The following PRL variants were observed in gnomAD, a reference collection of about 807,000 sequenced individuals.
The protein encoded by PRL is prolactin, also known as decidual prolactin.
PRL carries 24 observed loss-of-function variants against 21.3 expected under a neutral mutation model. That is an observed-to-expected ratio of 1.13 (90% CI 0.82 to 1.59). The LOEUF (loss-of-function observed/expected upper bound fraction) is 1.59, where lower values mean the gene tolerates loss of function less well. PRL is among the 40% of genes most tolerant of loss of function. The pLI, the probability that PRL is intolerant of heterozygous loss-of-function variation, is 0.00. For missense variants in PRL, 243 were observed against 286.9 expected, an observed-to-expected ratio of 0.85 and a Z score of 1.10; for synonymous variants, 118 against 115.7, an observed-to-expected ratio of 1.02 and a Z score of -0.13.
rs894543663 is a variant in PRL at position 22,288,584 on chromosome 6, G to T, written c.493-991C>A. 2.6e-5 allele frequency among the ~76,000 whole-genome samples: 4 copies of T among 151,780 alleles called. No individual in the cohort carries two copies. Among genetic ancestry groups the T allele is most frequent in the Admixed American group, 6.6e-5 (1 of 15,248 alleles). On this transcript the variant is annotated intron_variant, in intron 4 of 4. Transcript: ENST00000306482. The surrounding 1 kb of genome is among the most constrained non-coding windows in gnomAD (Gnocchi z 4.5). ...TGGCAGCAACCCTTCAGTGGTGAGG[G>T]CTGTGTGGTAGGGTTGGGGGCATGG...
At position 22,290,177 on chromosome 6, in the gene PRL, G is replaced by A; in HGVS notation, c.489C>T (p.Ser163=). 1 of 1,569,516 alleles carries A rather than the reference G, an allele frequency of 6.4e-7. No homozygotes were observed. The highest frequency in any genetic ancestry group is 1.2e-5 in the South Asian group (1 of 86,348). The part of the protein sequence containing the change: ...RLLEGMELIV[S]QVHPETKENE... ...GAAGCACCAGGAGGCTGCTCACCTG[G>A]CTGACTATCAGCTCCATGCCCTCTA... Residue 163 remains serine (S), a synonymous_variant, in exon 4 of 5, where the codon AGC becomes AGT. Coordinates refer to ENST00000306482, the MANE Select transcript of PRL (RefSeq NM_000948.6).
At chr6:22,295,075 A>G (rs987391830) in intron 1 of PRL, among the ~76,000 whole-genome samples, 2 of 152,228 alleles carry the variant, frequency 1.3e-5, no homozygotes, top group Admixed American at 1.3e-4. Context: ...AAGAATAAAC[A>G]CACGATTGTT....
At chr6:22,300,579 C>T (rs754467092), upstream of PRL, among the ~76,000 whole-genome samples, 4 of 152,176 alleles carry the variant, frequency 2.6e-5, no homozygotes, top group Admixed American at 2.6e-4. Context: ...TCTCTTTGCT[C>T]GTTTAAACTC....
chr6:22,299,107 T>C (rs1039343080), upstream of PRL, among the ~76,000 whole-genome samples: 2 of 152,264 alleles, frequency 1.3e-5, no homozygotes, highest in Non-Finnish European at 2.9e-5. Flanking sequence ...CTGCTATGCA[T>C]GTTACCCCCT....
At chr6:22,294,299 A>G (rs1248111928) in intron 2 of PRL, 110 bp downstream of exon 2, 1 of 1,265,098 alleles carries the variant, frequency 7.9e-7, no homozygotes, top group Admixed American at 1.8e-5. Flanking sequence ...ACATGTTAAA[A>G]TGTATCGTTT....
chr6:22,289,483 T>C (rs1204252115), intron 4 of PRL, among the ~76,000 whole-genome samples: 3 of 152,186 alleles, frequency 2.0e-5, no homozygotes, highest in African/African-American at 7.2e-5. Flanking sequence ...TTGGGGGAGA[T>C]TAAGTACAAT....
rs764591385 is a variant in PRL, at chr6:22,288,848, T to G, written c.493-1255A>C. On this transcript the variant is annotated intron_variant, in intron 4 of 4. Coordinates refer to ENST00000306482, the MANE Select transcript of PRL (RefSeq NM_000948.6). This position sits in a 1 kb window ranked among gnomAD's most constrained non-coding sequence, Gnocchi z 4.5. ...TATTTTTCAAATCTGGGATTCCCTA[T>G]TGGAATTTAAAGTGTGTGTGTGTGT... Among the ~76,000 whole-genome samples, 2 of 152,174 alleles carry G rather than the reference T, an allele frequency of 1.3e-5. No individual in the cohort carries two copies. Among genetic ancestry groups the G allele is most frequent in the Non-Finnish European group, 2.9e-5 (2 of 68,024 alleles).
Position 22,294,508 on chromosome 6 carries a change from C to T in PRL, c.105G>A (p.Gly35=), listed in dbSNP as rs969065577. The T allele has an allele frequency of 2.2e-5, 35 of 1,613,998 alleles. No homozygotes were observed. The highest frequency in any genetic ancestry group is 3.0e-5 in the Non-Finnish European group (35 of 1,180,038). ...SVAPLPICPG[G]AARCQVTLRD... ...GAAGGGTCACCTGGCATCGGGCAGC[C>T]CCGCCGGGACAGATGGGCAAGGGGG... Residue 35 remains glycine (G), a synonymous_variant, in exon 2 of 5, where the codon GGG becomes GGA. Coordinates refer to ENST00000306482, the MANE Select transcript of PRL (RefSeq NM_000948.6).
chr6:22,289,131 T>C (rs2113499983), intron 4 of PRL, among the ~76,000 whole-genome samples: 1 of 152,270 alleles, frequency 6.6e-6, no homozygotes, highest in Non-Finnish European at 1.5e-5. Flanking sequence ...ATTAGTGACC[T>C]CAGAAATGAG....
chr6:22,287,705 T>G (rs1444044015), intron 4 of PRL, 112 bp from the exon 5 acceptor site: 1 of 993,492 alleles, frequency 1.0e-6, no homozygotes, highest in Non-Finnish European at 1.4e-6. Flanking sequence ...ATGCAAAGTT[T>G]TAGACAAAGG....
At chr6:22,299,879 G>A (rs1186134310), upstream of PRL, among the ~76,000 whole-genome samples, 1 of 152,008 alleles carries the variant, frequency 6.6e-6, no homozygotes, top group Non-Finnish European at 1.5e-5. Context: ...CCTAGGAGGT[G>A]TCTACTGCAA....
intron 2 of PRL, among the ~76,000 whole-genome samples, chr6:22,293,310 A>T (rs1445867057): frequency 6.6e-6 from 1 of 152,216 alleles, no homozygotes; most frequent in Non-Finnish European, 1.5e-5. Context: ...GACAGGAAAG[A>T]CTAGTCTTCA....
chr6:22,293,304 G>A (rs907247493), intron 2 of PRL, among the ~76,000 whole-genome samples: 3 of 151,988 alleles, frequency 2.0e-5, no homozygotes, highest in African/African-American at 7.2e-5. Context: ...CACATTGACA[G>A]GAAAGACTAG....
intron 1 of PRL, among the ~76,000 whole-genome samples, chr6:22,295,960 T>C (rs1328613306): frequency 3.2e-4 from 49 of 152,230 alleles, no homozygotes; most frequent in Non-Finnish European, 7.4e-5. Flanking sequence ...AAAATTTTTG[T>C]TTGAGATGAT....
At chr6:22,293,943 A>G (rs999261375) in intron 2 of PRL, among the ~76,000 whole-genome samples, 2 of 152,170 alleles carry the variant, frequency 1.3e-5, no homozygotes, top group Admixed American at 1.3e-4. Flanking sequence ...TTGAAAAGTT[A>G]TTATTTGTAT....
intron 3 of PRL, 25 bp downstream of exon 3, chr6:22,292,513 T>C (rs991498811): frequency 2.5e-6 from 4 of 1,603,912 alleles, no homozygotes; most frequent in Non-Finnish European, 3.4e-6. Flanking sequence ...GTTGTTTTGG[T>C]GCAAAGCCTG....
At chr6:22,293,967 T>C (rs1394814783) in intron 2 of PRL, among the ~76,000 whole-genome samples, 1 of 152,226 alleles carries the variant, frequency 6.6e-6, no homozygotes, top group East Asian at 1.9e-4. Flanking sequence ...TTCCCCACCA[T>C]GGATTCAGCT....
intron 1 of PRL, among the ~76,000 whole-genome samples, chr6:22,294,920 G>A (rs1761143756): frequency 6.6e-6 from 1 of 152,000 alleles, no homozygotes; most frequent in South Asian, 2.1e-4. Context: ...TAATGTCTTG[G>A]GAGTTTCTGC....
intron 2 of PRL, 114 bp from the exon 3 acceptor site, chr6:22,292,759 CT>C: frequency 1.3e-6 from 1 of 797,580 alleles, no homozygotes; most frequent in Non-Finnish European, 1.9e-6. Flanking sequence ...AAAATTAGAG[CT>C]ACATAAAAAT....
Sources: gnomAD v4.1 joint callset for allele counts (sites outside exome capture counted in the v4.1 genomes callset) on GRCh38, gnomAD v4.1.1 for gene constraint, Gnocchi (gnomAD v3.1) non-coding constraint, MANE v1.5 for transcripts, NCBI Gene and HGNC (gene_info 2026-07-23, HGNC 2026-07-21) for gene names.